The following PTGER3 variants were observed in gnomAD, a reference collection of about 807,000 sequenced individuals.
PTGER3 encodes the protein prostaglandin E receptor 3.
Under a neutral mutation model 34.7 loss-of-function variants are expected in PTGER3, and 22 were observed. That is an observed-to-expected ratio of 0.63 (90% confidence interval 0.45 to 0.91). The LOEUF (loss-of-function observed/expected upper bound fraction) is 0.91, where lower values mean the gene tolerates loss of function less well. Among genes scored for constraint, PTGER3 ranks in the 40% least tolerant of loss-of-function variants. The probability of loss-of-function intolerance (pLI) is 0.00; values close to 1 mark genes in which losing one functional copy is unlikely to be tolerated. For synonymous variants in PTGER3, 241 were observed against 230.1 expected, an observed-to-expected ratio of 1.05 and a Z score of -0.43; for missense variants, 468 against 519.4, an observed-to-expected ratio of 0.90 and a Z score of 0.96.
At chr1:70,946,671 A>T (rs1219220020) in intron 4 of PTGER3, among the ~76,000 whole-genome samples, 1 of 152,068 alleles carries the variant, frequency 6.6e-6, no homozygotes, top group Non-Finnish European at 1.5e-5. Context: ...GACCCACCAC[A>T]CCAAAATGAT....
chr1:71,035,102 C>A (rs1038711278), intron 1 of PTGER3, among the ~76,000 whole-genome samples: 2 of 152,240 alleles, frequency 1.3e-5, no homozygotes, highest in Admixed American at 1.3e-4. Context: ...AAAGCTGGAA[C>A]AATTTCACTA....
chr1:71,040,008 A>G (rs1406100056), intron 1 of PTGER3, among the ~76,000 whole-genome samples: 1 of 151,972 alleles, frequency 6.6e-6, no homozygotes, highest in African/African-American at 2.4e-5. Context: ...TAACACTGTG[A>G]AATGAGCTGG....
intron 1 of PTGER3, among the ~76,000 whole-genome samples, chr1:71,029,087 T>C (rs1197543654): frequency 2.0e-5 from 3 of 152,174 alleles, no homozygotes; most frequent in Non-Finnish European, 4.4e-5. Context: ...CATTTCAAGA[T>C]TTATGTGAAG....
At chr1:70,925,461 A>G (rs929651764) in intron 4 of PTGER3, among the ~76,000 whole-genome samples, 1 of 152,220 alleles carries the variant, frequency 6.6e-6, no homozygotes, top group African/African-American at 2.4e-5. Context: ...TAACAAGATG[A>G]TATACAATAT....
At chr1:70,990,399 AT>A (rs199736381) in intron 2 of PTGER3, among the ~76,000 whole-genome samples, 6,865 of 147,738 alleles carry the variant, frequency 0.046, 287 homozygotes, top group African/African-American at 0.095. Context: ...ATATATATAT[AT>A]AAAATACATA....
intron 2 of PTGER3, chr1:71,010,039 T>C: frequency 3.0e-6 from 3 of 985,068 alleles, no homozygotes; most frequent in Non-Finnish European, 3.6e-6. Flanking sequence ...CTTTCAAGCT[T>C]GTTAAAAAAA....
intron 2 of PTGER3, among the ~76,000 whole-genome samples, chr1:70,986,603 A>G (rs1003671367): frequency 1.3e-5 from 2 of 152,188 alleles, no homozygotes; most frequent in African/African-American, 4.8e-5. Context: ...GGTGGATGCC[A>G]GTGGCTGTCT....
intron 3 of PTGER3, among the ~76,000 whole-genome samples, chr1:70,953,538 C>T (rs983933704): frequency 4.6e-5 from 7 of 152,070 alleles, no homozygotes; most frequent in Non-Finnish European, 1.0e-4. Context: ...GGGGCAAAGA[C>T]CTTTTGTCAT....
intron 1 of PTGER3, among the ~76,000 whole-genome samples, chr1:71,030,059 T>C (rs1236120631): frequency 6.6e-6 from 1 of 152,080 alleles, no homozygotes; most frequent in African/African-American, 2.4e-5. Flanking sequence ...AAAGTCCACA[T>C]TTCTGAGTGT....
intron 2 of PTGER3, among the ~76,000 whole-genome samples, chr1:70,982,639 T>C (rs1198063058): frequency 6.6e-6 from 1 of 152,168 alleles, no homozygotes; most frequent in Admixed American, 6.5e-5. Context: ...ACAAGTCTCC[T>C]GTCATGTTTC....
chr1:70,927,399 A>G (rs966508528), intron 4 of PTGER3, among the ~76,000 whole-genome samples: 3 of 152,132 alleles, frequency 2.0e-5, no homozygotes, highest in Non-Finnish European at 4.4e-5. Context: ...ATGACTTTTA[A>G]TTTTCTAGCT....
intron 4 of PTGER3, among the ~76,000 whole-genome samples, chr1:70,919,097 A>C: frequency 6.6e-6 from 1 of 152,236 alleles, no homozygotes; most frequent in Non-Finnish European, 1.5e-5. Context: ...GGCCATTTGT[A>C]AAGCATGGGC....
At chr1:70,868,213 C>A (rs1338550025) in intron 4 of PTGER3, among the ~76,000 whole-genome samples, 1 of 152,044 alleles carries the variant, frequency 6.6e-6, no homozygotes, top group Admixed American at 6.6e-5. Flanking sequence ...GTCACCTTTA[C>A]AATTCCACTC....
chr1:70,917,727 T>C (rs918575338), intron 4 of PTGER3, among the ~76,000 whole-genome samples: 1 of 152,046 alleles, frequency 6.6e-6, no homozygotes, highest in East Asian at 1.9e-4. Flanking sequence ...TTTTGCCTTT[T>C]TGATAATAGC....
intron 1 of PTGER3, among the ~76,000 whole-genome samples, chr1:71,022,341 T>C (rs1412349095): frequency 6.6e-6 from 1 of 151,860 alleles, no homozygotes; most frequent in Non-Finnish European, 1.5e-5. Flanking sequence ...AACATTTAGC[T>C]TGATCAACAA....
intron 2 of PTGER3, among the ~76,000 whole-genome samples, chr1:70,977,822 A>G (rs1653859258): frequency 1.3e-5 from 2 of 151,964 alleles, no homozygotes; most frequent in South Asian, 4.1e-4. Flanking sequence ...CCTTCCTCCA[A>G]GTGCAGTCGA....
At chr1:71,012,220 C>T (rs1657505491) in intron 2 of PTGER3, 85 bp downstream of exon 2, 2 of 1,610,554 alleles carry the variant, frequency 1.2e-6, no homozygotes, top group African/African-American at 1.3e-5. Flanking sequence ...TTCTTTCATG[C>T]TTCTGTCTGT....
At chr1:70,966,703 G>C (rs1221697696), downstream of PTGER3, among the ~76,000 whole-genome samples, 1 of 151,990 alleles carries the variant, frequency 6.6e-6, no homozygotes, top group Non-Finnish European at 1.5e-5. Flanking sequence ...TGTGGTGTTT[G>C]GTTTTCTGTT....
At chr1:70,904,144 A>G (rs4420040) in intron 4 of PTGER3, among the ~76,000 whole-genome samples, 55,238 of 152,088 alleles carry the variant, frequency 0.36, 10,191 homozygotes, top group African/African-American at 0.39. Flanking sequence ...CCCGCCATCA[A>G]TGTAAGATGT....
Sources: allele counts gnomAD v4.1 joint callset (sites outside exome capture counted in the v4.1 genomes callset), GRCh38; gene constraint gnomAD v4.1.1; transcripts MANE v1.5; gene names NCBI Gene and HGNC (gene_info 2026-07-23, HGNC 2026-07-21).